Variants in CACNA2D3 observed in about 807,000 individuals in gnomAD.
The protein encoded by CACNA2D3 is voltage-dependent calcium channel subunit alpha-2/delta-3.
In CACNA2D3, 60 loss-of-function variants were observed where a neutral mutation model predicts 160.6. The ratio of observed to expected loss-of-function variants is 0.37; its 90% CI spans 0.30 to 0.46. The LOEUF is 0.46. Ranked by LOEUF, CACNA2D3 falls within the 20% of genes least tolerant of loss-of-function variation. CACNA2D3 has a pLI of 1.00. For missense variants in CACNA2D3, 1,205 were observed against 1,365.0 expected, an observed-to-expected ratio of 0.88 and a Z score of 1.85; for synonymous variants, 558 against 492.9, an observed-to-expected ratio of 1.13 and a Z score of -1.75.
intron 27 of CACNA2D3, among the ~76,000 whole-genome samples, chr3:54,932,506 G>A (rs1028632576): frequency 6.6e-6 from 1 of 152,148 alleles, no homozygotes; most frequent in Admixed American, 6.5e-5. Context: ...CAAAAATTAA[G>A]AAGCAAGTAA....
intron 14 of CACNA2D3, among the ~76,000 whole-genome samples, chr3:54,822,790 C>CCTTTCTTTCTTTCTTTCTTT (rs71096453): frequency 7.2e-4 from 52 of 71,944 alleles, no homozygotes; most frequent in Middle Eastern, 5.7e-3. Flanking sequence ...TTCTTTCTTT[C>CCTTTCTTTCTTTCTTTCTTT]CTTTCTTTCT....
chr3:54,895,988 A>G (rs1335695899), intron 25 of CACNA2D3, among the ~76,000 whole-genome samples: 1 of 152,250 alleles, frequency 6.6e-6, no homozygotes, highest in African/African-American at 2.4e-5. Context: ...ATAAAAGGCT[A>G]TATGAAAGTT....
chr3:54,413,057 T>G (rs1282211497), intron 4 of CACNA2D3, among the ~76,000 whole-genome samples: 3 of 151,904 alleles, frequency 2.0e-5, no homozygotes, highest in Admixed American at 2.0e-4. Context: ...TAGCAATTTT[T>G]AATTTTTGCT....
chr3:55,066,798 C>T (rs976107498), intron 35 of CACNA2D3, among the ~76,000 whole-genome samples: 1 of 152,282 alleles, frequency 6.6e-6, no homozygotes, highest in South Asian at 2.1e-4. Flanking sequence ...CCTATCCCTG[C>T]TTAGAAACAA....
At chr3:54,884,997 C>T (rs1448623747) in intron 21 of CACNA2D3, among the ~76,000 whole-genome samples, 3 of 152,258 alleles carry the variant, frequency 2.0e-5, no homozygotes, top group Non-Finnish European at 4.4e-5. Context: ...CCTCCGGACT[C>T]ATTTGTGTAT....
At chr3:54,404,476 G>C (rs2106709800) in intron 4 of CACNA2D3, among the ~76,000 whole-genome samples, 1 of 152,218 alleles carries the variant, frequency 6.6e-6, no homozygotes. Context: ...ATAGATGGAA[G>C]GTTTCTCAGC....
At chr3:54,543,144 A>G (rs546146196) in intron 5 of CACNA2D3, among the ~76,000 whole-genome samples, 55 of 152,242 alleles carry the variant, frequency 3.6e-4, no homozygotes, top group Non-Finnish European at 6.8e-4. Flanking sequence ...TCATGAAAAC[A>G]GACCCTTTTA....
intron 10 of CACNA2D3, among the ~76,000 whole-genome samples, chr3:54,636,942 G>C (rs951192574): frequency 9.9e-5 from 15 of 151,910 alleles, no homozygotes; most frequent in African/African-American, 1.7e-4. Flanking sequence ...TGGGATGAAG[G>C]GTGCAAAGGA....
At chr3:54,303,825 T>G (rs9821814) in intron 2 of CACNA2D3, among the ~76,000 whole-genome samples, 97 of 55,208 alleles carry the variant, frequency 1.8e-3, no homozygotes, top group Non-Finnish European at 1.9e-3. Flanking sequence ...TCTGTTTTTT[T>G]TTTTTTTTTT....
At chr3:54,576,676 T>G (rs1702587555) in intron 8 of CACNA2D3, among the ~76,000 whole-genome samples, 1 of 152,200 alleles carries the variant, frequency 6.6e-6, no homozygotes, top group Non-Finnish European at 1.5e-5. Context: ...TGGGTTTGTC[T>G]CAAGCTTGTT....
chr3:54,925,960 G>A (rs974142841), intron 27 of CACNA2D3, among the ~76,000 whole-genome samples: 2 of 152,148 alleles, frequency 1.3e-5, no homozygotes, highest in South Asian at 2.1e-4. Flanking sequence ...ATTAAGAATA[G>A]TATAATAAAT....
chr3:54,584,060 G>T (rs1298694278), intron 9 of CACNA2D3, among the ~76,000 whole-genome samples: 2 of 152,012 alleles, frequency 1.3e-5, no homozygotes, highest in African/African-American at 4.8e-5. Context: ...TTGATCTTTT[G>T]CCCCATGCAT....
At chr3:55,033,831 T>TA (rs1703748264) in intron 35 of CACNA2D3, among the ~76,000 whole-genome samples, 2 of 70,030 alleles carry the variant, frequency 2.9e-5, no homozygotes, top group African/African-American at 1.6e-4. Context: ...ATATATTTAA[T>TA]ATATAATATA....
intron 2 of CACNA2D3, among the ~76,000 whole-genome samples, chr3:54,305,249 A>G (rs1703571613): frequency 6.6e-6 from 1 of 152,234 alleles, no homozygotes; most frequent in Non-Finnish European, 1.5e-5. Flanking sequence ...CAAATAATAC[A>G]TGAACCTATG....
intron 2 of CACNA2D3, among the ~76,000 whole-genome samples, chr3:54,319,509 A>G (rs1304511163): frequency 6.6e-6 from 1 of 152,212 alleles, no homozygotes; most frequent in East Asian, 1.9e-4. Flanking sequence ...TTGATAACCA[A>G]ATAAATGTGA....
At chr3:54,261,297 C>G (rs1415839967) in intron 2 of CACNA2D3, among the ~76,000 whole-genome samples, 1 of 152,206 alleles carries the variant, frequency 6.6e-6, no homozygotes, top group African/African-American at 2.4e-5. Context: ...AGCCCGTCTT[C>G]TCTCCACATC....
At chr3:54,879,129 C>A (rs759683202) in intron 19 of CACNA2D3, 40 bp downstream of exon 19, 1 of 1,311,694 alleles carries the variant, frequency 7.6e-7, no homozygotes, top group Admixed American at 2.1e-5. Context: ...TAATTTAAAA[C>A]AAACCACTGT....
chr3:54,847,465 A>G (rs941933773), intron 17 of CACNA2D3, among the ~76,000 whole-genome samples: 5 of 152,140 alleles, frequency 3.3e-5, no homozygotes, highest in African/African-American at 1.2e-4. Context: ...TGCTATTCAA[A>G]TGTTTGTTGG....
At chr3:54,988,536 A>G (rs767092831) in intron 31 of CACNA2D3, among the ~76,000 whole-genome samples, 2 of 152,158 alleles carry the variant, frequency 1.3e-5, no homozygotes, top group African/African-American at 4.8e-5. Context: ...TGGTGCTTTA[A>G]TGGGCATATT....
Sources: allele counts gnomAD v4.1 joint callset (sites outside exome capture counted in the v4.1 genomes callset), GRCh38; gene constraint gnomAD v4.1.1; transcripts MANE v1.5; gene names NCBI Gene and HGNC (gene_info 2026-07-23, HGNC 2026-07-21).